Variants in ARID1B observed in about 807,000 individuals in gnomAD.
The protein encoded by ARID1B is AT-rich interactive domain-containing protein 1B.
A neutral mutation model predicts 212.3 loss-of-function variants in ARID1B; 30 were observed. The observed-to-expected ratio is 0.14, with a 90% CI of 0.11 to 0.19. ARID1B has a LOEUF of 0.19. Among genes scored for constraint, ARID1B ranks in the 10% least tolerant of loss-of-function variants. ARID1B has a pLI of 1.00. For missense variants in ARID1B, 2,891 were observed against 3,204.0 expected, an observed-to-expected ratio of 0.90 and a Z score of 2.36; for synonymous variants, 1,402 against 1,301.7, an observed-to-expected ratio of 1.08 and a Z score of -1.66.
chr6:157,025,350 A>G (rs898621446), intron 4 of ARID1B, among the ~76,000 whole-genome samples: 6 of 152,244 alleles, frequency 3.9e-5, no homozygotes, highest in Non-Finnish European at 7.3e-5. Flanking sequence ...AGCATTGTGG[A>G]TGGATTACTA....
intron 8 of ARID1B, among the ~76,000 whole-genome samples, chr6:157,158,876 C>T (rs1335369294): frequency 6.6e-6 from 1 of 152,134 alleles, no homozygotes; most frequent in Non-Finnish European, 1.5e-5. Context: ...AAGTAGAATG[C>T]AATAGAGGTG....
At chr6:156,848,297 T>G (rs995906801) in intron 2 of ARID1B, among the ~76,000 whole-genome samples, 11 of 152,182 alleles carry the variant, frequency 7.2e-5, no homozygotes, top group Non-Finnish European at 1.6e-4. Context: ...AAGACCAGTG[T>G]GAAACTAAAA....
At position 157,148,387 on chromosome 6, in the gene ARID1B, T is replaced by C. The variant is rs1483915601; in HGVS notation, c.2762-237T>C. ...TTTTTATGACCAGCCTGAATTTCTC[T>C]TCATCAGTGCAGTGGTCCTCTGGGG... On this transcript the variant is annotated intron_variant, in intron 7 of 19. Transcript: ENST00000636930. The surrounding 1 kb of genome is among the most constrained non-coding windows in gnomAD (Gnocchi z 5.6). Among the ~76,000 whole-genome samples the C allele has an allele frequency of 1.3e-5, 2 of 152,220 alleles. No individual in the cohort carries two copies. The highest frequency in any genetic ancestry group is 6.5e-5 in the Admixed American group (1 of 15,280).
chr6:156,815,592 A>G (rs949823466), intron 1 of ARID1B, among the ~76,000 whole-genome samples: 3 of 152,336 alleles, frequency 2.0e-5, no homozygotes, highest in African/African-American at 7.2e-5. Context: ...CTGAAAATCA[A>G]TCAGGCAATT....
At chr6:156,793,275 C>G (rs1018527270) in intron 1 of ARID1B, among the ~76,000 whole-genome samples, 2 of 152,294 alleles carry the variant, frequency 1.3e-5, no homozygotes, top group South Asian at 2.1e-4. Context: ...TGAAGGAGAG[C>G]AGCCAGCTGG....
chr6:157,129,892 G>C (rs1788418083), intron 6 of ARID1B, among the ~76,000 whole-genome samples: 1 of 152,148 alleles, frequency 6.6e-6, no homozygotes, highest in African/African-American at 2.4e-5. Flanking sequence ...TATACTGCTG[G>C]GCGCAGTGGT....
chr6:156,780,140 CAT>C (rs1583029880), intron 1 of ARID1B, among the ~76,000 whole-genome samples: 1 of 152,168 alleles, frequency 6.6e-6, no homozygotes, highest in African/African-American at 2.4e-5. Context: ...TTGTAAAATA[CAT>C]CGATTCGTTC....
intron 5 of ARID1B, among the ~76,000 whole-genome samples, chr6:157,108,205 A>C (rs554262899): frequency 2.0e-3 from 306 of 152,320 alleles, no homozygotes; most frequent in Non-Finnish European, 3.3e-3. Flanking sequence ...GAATATTCTC[A>C]TTGCTTTAAA....
intron 1 of ARID1B, among the ~76,000 whole-genome samples, chr6:156,819,162 A>G (rs1276057380): frequency 1.3e-5 from 2 of 152,208 alleles, no homozygotes; most frequent in Admixed American, 1.3e-4. Flanking sequence ...TTGAATCTGT[A>G]TTTGTATGGG....
chr6:156,805,707 T>A (rs1333711892), intron 1 of ARID1B, among the ~76,000 whole-genome samples: 1 of 151,912 alleles, frequency 6.6e-6, no homozygotes, highest in East Asian at 1.9e-4. Context: ...TTAATTTTAT[T>A]TTTTTTTAGA....
At chr6:157,196,397 C>A (rs2128358511) in intron 16 of ARID1B, 82 bp downstream of exon 16, 1 of 1,487,354 alleles carries the variant, frequency 6.7e-7, no homozygotes, top group South Asian at 1.3e-5. Flanking sequence ...GCCCTGGCAG[C>A]TGAGCCACTG....
chr6:156,861,059 G>A (rs931867633), intron 2 of ARID1B, among the ~76,000 whole-genome samples: 4 of 152,160 alleles, frequency 2.6e-5, no homozygotes, highest in South Asian at 4.1e-4. Context: ...CACTGTGGTC[G>A]TTAGTAGAGC....
chr6:157,035,301 T>C (rs1008578366), intron 4 of ARID1B, among the ~76,000 whole-genome samples: 1 of 152,230 alleles, frequency 6.6e-6, no homozygotes, highest in African/African-American at 2.4e-5. Context: ...GGGTGAGGTA[T>C]GCAGATATGA....
intron 18 of ARID1B, among the ~76,000 whole-genome samples, chr6:157,202,688 A>C (rs1238860015): frequency 6.6e-6 from 1 of 151,152 alleles, no homozygotes; most frequent in Admixed American, 6.6e-5. Context: ...ATATATATCT[A>C]TCCATTTATA....
intron 2 of ARID1B, among the ~76,000 whole-genome samples, chr6:156,893,046 T>C (rs1336337466): frequency 3.4e-5 from 2 of 59,514 alleles, no homozygotes; most frequent in East Asian, 2.4e-4. Flanking sequence ...TTTTTCTTCC[T>C]TTTTTTTTTT....
intron 2 of ARID1B, among the ~76,000 whole-genome samples, chr6:156,893,060 T>TTTTTTTA (rs1268821728): frequency 7.3e-6 from 1 of 137,700 alleles, no homozygotes; most frequent in African/African-American, 2.8e-5. Flanking sequence ...TTTTTTTTTT[T>TTTTTTTA]GAGATGGAGT....
At chr6:157,098,095 A>G (rs1390151928) in intron 5 of ARID1B, among the ~76,000 whole-genome samples, 1 of 152,178 alleles carries the variant, frequency 6.6e-6, no homozygotes, top group East Asian at 1.9e-4. Context: ...GAAAGAGGAA[A>G]AATATTGAGG....
At chr6:157,182,079 C>T (rs1304444714) in intron 12 of ARID1B, among the ~76,000 whole-genome samples, 1 of 152,096 alleles carries the variant, frequency 6.6e-6, no homozygotes, top group Non-Finnish European at 1.5e-5. Flanking sequence ...AAGACTTTGT[C>T]TCCATTAAAA....
chr6:156,942,346 A>G (rs1278668137), intron 4 of ARID1B: 5 of 152,222 alleles, frequency 3.3e-5, no homozygotes, highest in South Asian at 2.1e-4. Context: ...AAATTTTGCC[A>G]TAACAAGTGA....
Sources: allele counts gnomAD v4.1 joint callset (sites outside exome capture counted in the v4.1 genomes callset), GRCh38; gene constraint gnomAD v4.1.1; non-coding constraint Gnocchi (gnomAD v3.1); transcripts MANE v1.5; gene names NCBI Gene and HGNC (gene_info 2026-07-23, HGNC 2026-07-21).